ST6GALNAC3: variants seen among roughly 807,000 people sequenced by gnomAD.
ST6GALNAC3 encodes the protein alpha-N-acetylgalactosaminide alpha-2,6-sialyltransferase 3.
A neutral mutation model predicts 32.7 loss-of-function variants in ST6GALNAC3; 25 were observed. The observed-to-expected ratio is 0.76, with a 90% CI of 0.56 to 1.07. ST6GALNAC3 has a LOEUF of 1.07. Ranked by LOEUF, ST6GALNAC3 falls within the 50% of genes least tolerant of loss-of-function variation. The pLI, the probability that ST6GALNAC3 is intolerant of heterozygous loss-of-function variation, is 0.00. For missense variants in ST6GALNAC3, 355 were observed against 382.4 expected, an observed-to-expected ratio of 0.93 and a Z score of 0.60; for synonymous variants, 129 against 133.1, an observed-to-expected ratio of 0.97 and a Z score of 0.21.
At chr1:76,195,424 A>C (rs1429690154) in intron 1 of ST6GALNAC3, among the ~76,000 whole-genome samples, 1 of 152,220 alleles carries the variant, frequency 6.6e-6, no homozygotes, top group Admixed American at 6.5e-5. Flanking sequence ...ACAGAATATT[A>C]AAAAGAATGT....
chr1:76,096,918 CTTTTTT>C (rs545909921), intron 1 of ST6GALNAC3, among the ~76,000 whole-genome samples: 1 of 130,716 alleles, frequency 7.7e-6, no homozygotes, highest in South Asian at 2.4e-4. Flanking sequence ...AGTCATAGAG[CTTTTTT>C]TTTTTTTTTT....
intron 3 of ST6GALNAC3, among the ~76,000 whole-genome samples, chr1:76,600,509 A>G (rs1168055564): frequency 6.6e-6 from 1 of 152,096 alleles, no homozygotes; most frequent in Non-Finnish European, 1.5e-5. Flanking sequence ...AGAACTGATA[A>G]GACAGGACCC....
At chr1:76,274,557 G>T (rs1442508092) in intron 1 of ST6GALNAC3, among the ~76,000 whole-genome samples, 2 of 152,134 alleles carry the variant, frequency 1.3e-5, no homozygotes, top group Non-Finnish European at 2.9e-5. Context: ...AATGGAACAT[G>T]AGTGAAAGCT....
rs1657619317 is a variant in ST6GALNAC3, at chr1:76,454,371, A to G, written c.623+41954A>G. 2.0e-5 allele frequency among the ~76,000 whole-genome samples: 3 copies of G among 152,136 alleles called. No individual in the cohort carries two copies. The South Asian group carries it at 6.2e-4, about 32-fold the overall frequency. Reference sequence around the variant, plus strand: ...GTTTTTTAAATTGAGGTTTTGTTTTATAGGTCCTATGAGATTTGTACTTTA... The same window carrying G: ...GTTTTTTAAATTGAGGTTTTGTTTTGTAGGTCCTATGAGATTTGTACTTTA... On this transcript the variant is annotated intron_variant, in intron 3 of 4. Coordinates refer to ENST00000328299, the MANE Select transcript of ST6GALNAC3 (RefSeq NM_152996.4).
At position 76,286,928 on chromosome 1, in the gene ST6GALNAC3, C is replaced by T. The variant is rs138826797; in HGVS notation, c.19-26877C>T. On this transcript the variant is annotated intron_variant, in intron 1 of 4. Coordinates refer to ENST00000328299, the MANE Select transcript of ST6GALNAC3 (RefSeq NM_152996.4). ...TATACAAGACCCAGTAAGATACACA[C>T]CATTTAAAATGCCCTACAAGAAGTC... 2.0e-5 allele frequency among the ~76,000 whole-genome samples: 3 copies of T among 152,308 alleles called. No individual in the cohort carries two copies. In the South Asian group the frequency reaches 6.2e-4, roughly 32 times the overall value.
intron 2 of ST6GALNAC3, among the ~76,000 whole-genome samples, chr1:76,406,267 A>C (rs970873388): frequency 2.6e-5 from 4 of 152,066 alleles, no homozygotes; most frequent in Non-Finnish European, 4.4e-5. Flanking sequence ...TGAATTTCTG[A>C]AGGAGGCTTT....
At chr1:76,556,958 A>T (rs537450574) in intron 3 of ST6GALNAC3, among the ~76,000 whole-genome samples, 10 of 152,134 alleles carry the variant, frequency 6.6e-5, no homozygotes, top group African/African-American at 2.4e-4. Flanking sequence ...CAAAGTAAGG[A>T]GTATTTACTC....
intron 2 of ST6GALNAC3, among the ~76,000 whole-genome samples, chr1:76,343,892 C>T (rs1426578815): frequency 1.3e-5 from 2 of 152,054 alleles, no homozygotes; most frequent in Non-Finnish European, 2.9e-5. Context: ...TTATGGCAAC[C>T]TATGAGAATT....
chr1:76,352,814 C>T (rs1405214100), intron 2 of ST6GALNAC3, among the ~76,000 whole-genome samples: 1 of 152,100 alleles, frequency 6.6e-6, no homozygotes, highest in African/African-American at 2.4e-5. Context: ...AATGGTATTG[C>T]CATTCACTCA....
chr1:76,443,362 C>T (rs1416659471), intron 3 of ST6GALNAC3, among the ~76,000 whole-genome samples: 3 of 152,160 alleles, frequency 2.0e-5, no homozygotes. Flanking sequence ...CTTGGCCAAA[C>T]CAAAGCCAAA....
intron 3 of ST6GALNAC3, among the ~76,000 whole-genome samples, chr1:76,415,171 C>CTTTTTTTTT (rs71072000): frequency 1.4e-5 from 1 of 70,460 alleles, no homozygotes. Flanking sequence ...GGATTCATGT[C>CTTTTTTTTT]TTTTTTTTTT....
intron 2 of ST6GALNAC3, among the ~76,000 whole-genome samples, chr1:76,364,208 C>A (rs1229147179): frequency 6.6e-6 from 1 of 152,062 alleles, no homozygotes; most frequent in African/African-American, 2.4e-5. Flanking sequence ...CCTGAAGGAC[C>A]AAGGAGGCTT....
chr1:76,519,202 T>G (rs1471934961), intron 3 of ST6GALNAC3, among the ~76,000 whole-genome samples: 1 of 152,108 alleles, frequency 6.6e-6, no homozygotes, highest in Non-Finnish European at 1.5e-5. Context: ...TCCTCAAATA[T>G]TTTCTTCAAA....
intron 3 of ST6GALNAC3, among the ~76,000 whole-genome samples, chr1:76,619,069 A>G (rs1365733507): frequency 6.6e-6 from 1 of 150,410 alleles, no homozygotes; most frequent in Non-Finnish European, 1.5e-5. Context: ...GAAAAAAATC[A>G]GAGATCTAGG....
chr1:76,316,205 T>C (rs1646862625), intron 2 of ST6GALNAC3, among the ~76,000 whole-genome samples: 1 of 152,116 alleles, frequency 6.6e-6, no homozygotes. Flanking sequence ...ATACCCACTT[T>C]GGAAAAAACA....
At chr1:76,176,214 A>G (rs1347261788) in intron 1 of ST6GALNAC3, among the ~76,000 whole-genome samples, 1 of 152,174 alleles carries the variant, frequency 6.6e-6, no homozygotes, top group Non-Finnish European at 1.5e-5. Flanking sequence ...GGGGCTGCAA[A>G]TGCTCTGGAG....
At chr1:76,114,736 C>T (rs1014907172) in intron 1 of ST6GALNAC3, among the ~76,000 whole-genome samples, 1 of 151,872 alleles carries the variant, frequency 6.6e-6, no homozygotes, top group Non-Finnish European at 1.5e-5. Flanking sequence ...TGGTGAAACC[C>T]CATCTGTACT....
At chr1:76,516,071 T>C (rs1275201698) in intron 3 of ST6GALNAC3, among the ~76,000 whole-genome samples, 1 of 152,204 alleles carries the variant, frequency 6.6e-6, no homozygotes, top group Non-Finnish European at 1.5e-5. Context: ...ACGTACTTTA[T>C]ATATCTGAGT....
chr1:76,488,157 G>A (rs968683366), intron 3 of ST6GALNAC3, among the ~76,000 whole-genome samples: 2 of 152,190 alleles, frequency 1.3e-5, no homozygotes, highest in African/African-American at 4.8e-5. Context: ...GGTGGAAGGT[G>A]TTTGGATGAT....
Sources: gnomAD v4.1 joint callset for allele counts (sites outside exome capture counted in the v4.1 genomes callset) on GRCh38, gnomAD v4.1.1 for gene constraint, MANE v1.5 for transcripts, NCBI Gene and HGNC (gene_info 2026-07-23, HGNC 2026-07-21) for gene names.